DAAM2: variants seen among roughly 807,000 people sequenced by gnomAD.
DAAM2 encodes the protein disheveled-associated activator of morphogenesis 2.
Under a neutral mutation model 120.7 loss-of-function variants are expected in DAAM2, and 39 were observed. The observed-to-expected ratio is 0.32, with a 90% CI of 0.25 to 0.42. The LOEUF (loss-of-function observed/expected upper bound fraction) is 0.42, where lower values mean the gene tolerates loss of function less well. Among genes scored for constraint, DAAM2 ranks in the 10% least tolerant of loss-of-function variants. The pLI is 1.00. For missense variants in DAAM2, 1,283 were observed against 1,401.7 expected (o/e 0.92, Z 1.35); for synonymous variants, 488 against 524.9 (o/e 0.93, Z 0.96).
chr6:39,845,441 G>A (rs558305546), intron 1 of DAAM2, among the ~76,000 whole-genome samples: 3,271 of 16,264 alleles, frequency 0.2, 112 homozygotes, highest in African/African-American at 0.36. Context: ...CACACACACC[G>A]CACACATACC....
At chr6:39,839,111 T>G (rs560755627) in intron 1 of DAAM2, among the ~76,000 whole-genome samples, 11 of 152,252 alleles carry the variant, frequency 7.2e-5, no homozygotes, top group African/African-American at 2.4e-4. Context: ...GTTTTTTTGT[T>G]TTTATTTTTT....
intron 1 of DAAM2, among the ~76,000 whole-genome samples, chr6:39,805,895 G>A (rs1761997346): frequency 6.6e-6 from 1 of 152,094 alleles, no homozygotes; most frequent in African/African-American, 2.4e-5. Flanking sequence ...GAACAAGACT[G>A]GCTTATTTCT....
chr6:39,827,361 C>T (rs554810467), intron 1 of DAAM2, among the ~76,000 whole-genome samples: 15 of 152,190 alleles, frequency 9.9e-5, no homozygotes, highest in Middle Eastern at 3.4e-3. Context: ...CAGATCATGT[C>T]GGAGAAAGGA....
intron 1 of DAAM2, among the ~76,000 whole-genome samples, chr6:39,793,992 A>G (rs1440860931): frequency 6.6e-6 from 1 of 152,208 alleles, no homozygotes; most frequent in East Asian, 1.9e-4. Flanking sequence ...GGATGTAAAA[A>G]CAGACCCACA....
chr6:39,830,494 A>T (rs549165485), intron 1 of DAAM2, among the ~76,000 whole-genome samples: 1 of 152,210 alleles, frequency 6.6e-6, no homozygotes, highest in Non-Finnish European at 1.5e-5. Flanking sequence ...CGTCTTCTTC[A>T]TCGTGAGTGG....
chr6:39,875,148 G>C (rs1168155287), intron 10 of DAAM2, among the ~76,000 whole-genome samples, 182 bp from the exon 11 acceptor site: 1 of 152,186 alleles, frequency 6.6e-6, no homozygotes, highest in Non-Finnish European at 1.5e-5. Context: ...CGATAATCAA[G>C]AGATGACTGA....
intron 1 of DAAM2, among the ~76,000 whole-genome samples, chr6:39,825,449 G>GT (rs1762637654): frequency 8.9e-6 from 1 of 112,396 alleles, no homozygotes; most frequent in African/African-American, 3.5e-5. Context: ...GGGGGTTGGT[G>GT]GGGGGCCTTT....
intron 1 of DAAM2, among the ~76,000 whole-genome samples, chr6:39,829,670 A>G (rs564679164): frequency 1.3e-5 from 2 of 152,272 alleles, no homozygotes; most frequent in South Asian, 2.1e-4. Context: ...TTGTTTATTC[A>G]TTGGCACACT....
In DAAM2 at chr6:39,879,422, G is replaced by C. The variant is rs181701991; in HGVS notation, c.1790G>C (p.Arg597Pro). Residue 597 changes from arginine (R) to proline (P), a missense_variant, in exon 14 of 25, where the codon CGT becomes CCT. By Grantham distance (103) the Arg-to-Pro change is moderately radical. Around this residue, in one of 3 missense-constraint regions of DAAM2, gnomAD observed 748 missense variants for 768.6 expected, o/e 0.97. Coordinates refer to ENST00000274867, the MANE Select transcript of DAAM2 (RefSeq NM_001201427.2). ...PSSDVPLRKK[R>P]VPQPSHPLKS... ...AGTGACGTCCCACTCAGGAAAAAGCGTGTCCCCCAGCCTTCTCACCCACTG... is the reference window on the plus strand; with the variant it reads ...AGTGACGTCCCACTCAGGAAAAAGCCTGTCCCCCAGCCTTCTCACCCACTG... 750 of 1,613,810 alleles carry C rather than the reference G, an allele frequency of 4.6e-4. 6 individuals are homozygous for C. In the African/African-American group the frequency reaches 7.9e-3, roughly 17 times the overall value.
chr6:39,875,379 C>T lies in DAAM2; in HGVS notation c.1212C>T (p.Ile404=), dbSNP rs1454702197. Residue 404 remains isoleucine, a synonymous_variant, in exon 11 of 25, where the codon ATC becomes ATT. Transcript: ENST00000274867. ...YFQQWQLLDR[I]LQQIVLQDER... The stretch of plus-strand genomic sequence containing the variant: ...AGCAGTGGCAGCTCCTGGACCGCAT[C>T]CTCCAGCAGATTGTCCTCCAGGATG... 1.9e-6 allele frequency: 3 copies of T among 1,613,998 alleles called. No homozygotes were observed. The highest frequency in any genetic ancestry group is 2.2e-5 in the South Asian group (2 of 91,082).
chr6:39,889,545 TA>T (rs150450100), intron 17 of DAAM2, among the ~76,000 whole-genome samples: 1,751 of 152,350 alleles, frequency 0.011, 18 homozygotes, highest in East Asian at 0.041. Flanking sequence ...ATCCCACTCT[TA>T]GGTATAACTC....
At chr6:39,881,574 G>T (rs1765121036) in intron 14 of DAAM2, among the ~76,000 whole-genome samples, 2 of 152,124 alleles carry the variant, frequency 1.3e-5, no homozygotes, top group African/African-American at 2.4e-5. Flanking sequence ...AAAATTAGCA[G>T]GGTGTGGTGG....
Position 39,829,919 on chromosome 6 carries a change from C to T in DAAM2, c.-56-26328C>T, listed in dbSNP as rs114354508. Among the ~76,000 whole-genome samples the T allele has an allele frequency of 2.2e-3, 342 of 152,270 alleles. 3 individuals carry two copies. The highest frequency in any genetic ancestry group is 7.5e-3 in the African/African-American group (313 of 41,560). ...CCCCCAAGTTGTTGCTGGCCAGAAG[C>T]ACCTTGGTACCACCCTTCTAGATTT... On this transcript the variant is annotated intron_variant, in intron 1 of 24. Transcript: ENST00000274867.
intron 1 of DAAM2, among the ~76,000 whole-genome samples, chr6:39,835,787 T>C (rs1763079738): frequency 6.6e-6 from 1 of 152,158 alleles, no homozygotes; most frequent in African/African-American, 2.4e-5. Context: ...TCTTGGTGCC[T>C]ACCCTAATGA....
Position 39,875,321 on chromosome 6 carries a change from A to T in DAAM2, c.1163-9A>T. ...ACTCAGGAAAGATATGATACCTGTC[A>T]TCCCTCAGACAAACGGAACGGTGGC... On this transcript the variant is annotated splice_polypyrimidine_tract_variant and intron_variant, in intron 10 of 24. Coordinates refer to ENST00000274867, the MANE Select transcript of DAAM2 (RefSeq NM_001201427.2). The T allele has an allele frequency of 6.2e-7, 1 of 1,612,938 alleles. No individual in the cohort carries two copies. The highest frequency in any genetic ancestry group is 8.5e-7 in the Non-Finnish European group (1 of 1,179,300).
rs139686358 is a variant in DAAM2 at position 39,819,397 on chromosome 6, A to G, written c.-57+26932A>G. 11 of 152,314 alleles carry G rather than the reference A, an allele frequency of 7.2e-5. No individual in the cohort carries two copies. The East Asian group carries it at 1.7e-3, about 24-fold the overall frequency. The allele number at this position is 152,314 out of a possible 1,614,324, so 9.4% of individuals were successfully genotyped here. ...ATGCTACTTACCTCCTCCAGTACTA[A>G]CATTTGACACATCTAATGCCTATTC... On this transcript the variant is annotated intron_variant, in intron 1 of 24. Coordinates refer to ENST00000274867, the MANE Select transcript of DAAM2 (RefSeq NM_001201427.2).
Position 39,868,864 on chromosome 6 carries a change from G to T in DAAM2, c.804G>T (p.Arg268=), listed in dbSNP as rs745714969. 5.0e-6 allele frequency: 8 copies of T among 1,588,998 alleles called. No individual in the cohort carries two copies. The highest frequency in any genetic ancestry group is 6.9e-6 in the Non-Finnish European group (8 of 1,167,640). Residue 268 remains arginine, a synonymous_variant, in exon 7 of 25, where the codon CGG becomes CGT. Transcript: ENST00000274867. ...TAGACCGAAGTCTGGGCCGGTACCG[G>T]GATGAAGTGAATCTGAAAACAGCCA... ...NELDRSLGRY[R]DEVNLKTAIM... is the part of the protein sequence containing the mutation.
At chr6:39,798,310 A>G (rs1056853770) in intron 1 of DAAM2, among the ~76,000 whole-genome samples, 2 of 152,078 alleles carry the variant, frequency 1.3e-5, no homozygotes, top group Non-Finnish European at 2.9e-5. Context: ...ATAATAAAAT[A>G]CCTCCCTCAT....
intron 21 of DAAM2, 73 bp from the exon 22 acceptor site, chr6:39,898,804 C>A: frequency 7.4e-7 from 1 of 1,346,560 alleles, no homozygotes. Context: ...TCTGCCCTCT[C>A]CCTGAACCAG....
Sources: allele counts gnomAD v4.1 joint callset (sites outside exome capture counted in the v4.1 genomes callset), GRCh38; gene constraint gnomAD v4.1.1; regional missense constraint gnomAD v4.1.1; transcripts MANE v1.5; gene names NCBI Gene and HGNC (gene_info 2026-07-23, HGNC 2026-07-21).